Variants in CHRNA3 observed in about 807,000 individuals in gnomAD.
CHRNA3 encodes the protein cholinergic receptor nicotinic alpha 3 subunit.
Under a neutral mutation model 41.9 loss-of-function variants are expected in CHRNA3, and 34 were observed. The ratio of observed to expected loss-of-function variants is 0.81; its 90% CI spans 0.62 to 1.08. CHRNA3 has a LOEUF of 1.08. CHRNA3 is among the 50% of genes least tolerant of loss of function. The pLI is 0.00. For missense variants in CHRNA3, 542 were observed against 638.3 expected, an observed-to-expected ratio of 0.85 and a Z score of 1.63; for synonymous variants, 281 against 265.2, an observed-to-expected ratio of 1.06 and a Z score of -0.58.
In CHRNA3 at chr15:78,620,902, C is replaced by G. The variant is rs1005060522; in HGVS notation, c.-108G>C. On this transcript the variant is annotated 5_prime_UTR_variant, in exon 1 of 6. Transcript: ENST00000326828. Reference sequence around the variant, plus strand: ...CCAGCGCAGACCCCAGACCTGGAGCCGTGCGGGCGGAGACGCGCGGGGCTC... The same window carrying G: ...CCAGCGCAGACCCCAGACCTGGAGCGGTGCGGGCGGAGACGCGCGGGGCTC... 2.4e-6 allele frequency: 3 copies of G among 1,239,474 alleles called. No individual in the cohort carries two copies. Among genetic ancestry groups the G allele is most frequent in the Non-Finnish European group, 3.0e-6 (3 of 991,360 alleles). 76.8% of individuals were successfully genotyped at this position (1,239,474 alleles called of 1,614,324 possible).
Position 78,596,221 on chromosome 15 carries a change from A to C in CHRNA3, c.*383T>G. The C allele has an allele frequency of 1.0e-6, 1 of 987,446 alleles. No individual in the cohort carries two copies. Among genetic ancestry groups the C allele is most frequent in the Non-Finnish European group, 1.2e-6 (1 of 831,338 alleles). The allele number at this position is 987,446 out of a possible 1,614,324, so 61.2% of individuals were successfully genotyped here. On this transcript the variant is annotated 3_prime_UTR_variant, in exon 6 of 6. Transcript: ENST00000326828. ...TCAAAGAGATTATGGGCTAAATAAG[A>C]AAAATTACTGGGAGATCTGTAGTGA... is the stretch of plus-strand genomic sequence containing the variant.
chr15:78,600,710 G>A (rs577892685), intron 5 of CHRNA3, among the ~76,000 whole-genome samples: 3 of 151,718 alleles, frequency 2.0e-5, no homozygotes, highest in African/African-American at 7.3e-5. Flanking sequence ...AAACCCCATC[G>A]GTACAAAAAA....
chr15:78,606,916 A>G (rs1447591508), intron 4 of CHRNA3, among the ~76,000 whole-genome samples: 1 of 152,078 alleles, frequency 6.6e-6, no homozygotes, highest in Non-Finnish European at 1.5e-5. Context: ...CACACAAAAA[A>G]GAAAACCAGA....
chr15:78,620,725 ACAGCAGCAG>A lies in CHRNA3; in HGVS notation c.61_69del (p.Leu21_Leu23del), dbSNP rs60706203. On this transcript the variant is annotated inframe_deletion, in exon 1 of 6. Coordinates refer to ENST00000326828, the MANE Select transcript of CHRNA3 (RefSeq NM_000743.5). ...CCTGTGCGCGTACCTGGCAGCAGAG[ACAGCAGCAG>A]CAGCAGCAGCAGCCGCGGCGGCGAC... The A allele has an allele frequency of 2.7e-5, 40 of 1,462,598 alleles. No individual in the cohort carries two copies. The highest frequency in any genetic ancestry group is 2.4e-4 in the African/African-American group (16 of 67,482). 90.6% of individuals were successfully genotyped at this position (1,462,598 alleles called of 1,614,324 possible).
At chr15:78,599,536 G>C (rs1166142367) in intron 5 of CHRNA3, among the ~76,000 whole-genome samples, 4 of 151,498 alleles carry the variant, frequency 2.6e-5, no homozygotes, top group African/African-American at 9.7e-5. Context: ...TCCCAGCCCA[G>C]AGATGCAGGT....
chr15:78,595,910 C>A lies in CHRNA3; in HGVS notation c.*694G>T. On this transcript the variant is annotated 3_prime_UTR_variant, in exon 6 of 6. Transcript: ENST00000326828. Reference sequence around the variant, plus strand: ...AGAAGGCACCCTTTGAGGAAGAGGACCCTCACCAGACACCAAATTTGCTGG... The same window carrying A: ...AGAAGGCACCCTTTGAGGAAGAGGAACCTCACCAGACACCAAATTTGCTGG... 4.3e-6 allele frequency: 1 copy of A among 232,154 alleles called. No individual in the cohort carries two copies. The highest frequency in any genetic ancestry group is 7.1e-6 in the Non-Finnish European group (1 of 141,588). The allele number at this position is 232,154 out of a possible 1,614,324, so 14.4% of individuals were successfully genotyped here. A position where few individuals can be genotyped will look rare whatever the true frequency, so the allele number is the denominator to read the frequency against.
downstream of CHRNA3, chr15:78,593,163 A>G (rs1190043614): frequency 5.0e-6 from 8 of 1,613,660 alleles, no homozygotes; most frequent in Non-Finnish European, 6.8e-6. Flanking sequence ...TTTTCGTTTC[A>G]ATTGTTGGAT....
Position 78,602,255 on chromosome 15 carries a change from C to T in CHRNA3, c.387G>A (p.Gly129=). Residue 129 remains glycine (G), a synonymous_variant, in exon 5 of 6, where the codon GGG becomes GGA. Coordinates refer to ENST00000326828, the MANE Select transcript of CHRNA3 (RefSeq NM_000743.5). The part of the protein sequence containing the change: ...PDIVLYNNAV[G]DFQVDDKTKA... ...TGGTCTTGTCGTCCACCTGGAAATC[C>T]CCAACAGCACTGCAAAGACAAAGAG... 4 of 1,613,372 alleles carry T rather than the reference C, an allele frequency of 2.5e-6. No homozygotes were observed. The highest frequency in any genetic ancestry group is 3.4e-6 in the Non-Finnish European group (4 of 1,179,544).
chr15:78,595,424 C>CATGAT lies in CHRNA3; in HGVS notation c.*1175_*1179dup, dbSNP rs1567068837. 1.0e-6 allele frequency: 1 copy of CATGAT among 984,988 alleles called. No individual in the cohort carries two copies. The highest frequency in any genetic ancestry group is 1.2e-6 in the Non-Finnish European group (1 of 829,676). The allele number at this position is 984,988 out of a possible 1,614,324, so 61.0% of individuals were successfully genotyped here. A position where few individuals can be genotyped will look rare whatever the true frequency, so the allele number is the denominator to read the frequency against. The stretch of plus-strand genomic sequence containing the variant: ...CACGTTAAGTTTCAGAAGTGTAGTA[C>CATGAT]ATGATACTCTTAACAATTTGTCTAA... On this transcript the variant is annotated 3_prime_UTR_variant, in exon 6 of 6. Coordinates refer to ENST00000326828, the MANE Select transcript of CHRNA3 (RefSeq NM_000743.5).
At chr15:78,593,359 T>G (rs201776618), downstream of CHRNA3, 1 of 1,155,340 alleles carries the variant, frequency 8.7e-7, no homozygotes, top group Non-Finnish European at 1.2e-6. Context: ...GTGCAAGCTT[T>G]AACAGACTAA....
intron 5 of CHRNA3, among the ~76,000 whole-genome samples, chr15:78,598,368 A>G (rs1000725595): frequency 2.0e-5 from 3 of 152,128 alleles, no homozygotes; most frequent in Admixed American, 2.0e-4. Flanking sequence ...TAGTGGTGCA[A>G]AAAGAGCTGG....
chr15:78,612,416 A>C (rs2053393464), intron 4 of CHRNA3, among the ~76,000 whole-genome samples: 1 of 134,730 alleles, frequency 7.4e-6, no homozygotes, highest in Non-Finnish European at 1.6e-5. Context: ...AACGCCACAT[A>C]TCTACAACTA....
chr15:78,600,202 G>A (rs2053176486), intron 5 of CHRNA3, among the ~76,000 whole-genome samples: 1 of 152,078 alleles, frequency 6.6e-6, no homozygotes, highest in Non-Finnish European at 1.5e-5. Flanking sequence ...AGCCTCCTGA[G>A]TAGCTGGAAC....
intron 4 of CHRNA3, among the ~76,000 whole-genome samples, chr15:78,612,873 G>GA (rs1400952388): frequency 1.3e-4 from 19 of 149,596 alleles, no homozygotes; most frequent in Non-Finnish European, 2.5e-4. Flanking sequence ...AAATTTACAA[G>GA]AAAAAAACAA....
At chr15:78,599,992 G>A (rs1288646658) in intron 5 of CHRNA3, 2 of 127,388 alleles carry the variant, frequency 1.6e-5, no homozygotes, top group South Asian at 2.8e-4. Context: ...ACTCCATTCT[G>A]GGTGACAGAG....
At chr15:78,610,051 A>G (rs1041804324) in intron 4 of CHRNA3, among the ~76,000 whole-genome samples, 1 of 152,214 alleles carries the variant, frequency 6.6e-6, no homozygotes, top group Non-Finnish European at 1.5e-5. Context: ...TAGGCACCCA[A>G]TACAGGAGCA....
chr15:78,593,684 TACTGC>T (rs1210652919), downstream of CHRNA3: 2 of 152,786 alleles, frequency 1.3e-5, no homozygotes, highest in Admixed American at 6.5e-5. Flanking sequence ...TATAATATTA[TACTGC>T]TATATTTAAA....
chr15:78,611,655 G>T (rs147094383), intron 4 of CHRNA3, among the ~76,000 whole-genome samples: 63,165 of 150,214 alleles, frequency 0.42, 13,517 homozygotes, highest in African/African-American at 0.52. Flanking sequence ...TTTTGAAAAC[G>T]GGCACAAGAC....
intron 4 of CHRNA3, among the ~76,000 whole-genome samples, chr15:78,613,813 G>A (rs2053422225): frequency 6.6e-6 from 1 of 151,606 alleles, no homozygotes; most frequent in South Asian, 2.1e-4. Flanking sequence ...AGGCGTGGTG[G>A]CGGGCGCCTG....
Sources: gnomAD v4.1 joint callset for allele counts (sites outside exome capture counted in the v4.1 genomes callset) on GRCh38, gnomAD v4.1.1 for gene constraint, MANE v1.5 for transcripts, NCBI Gene and HGNC (gene_info 2026-07-23, HGNC 2026-07-21) for gene names.